TCF12: variants seen among roughly 807,000 people sequenced by gnomAD.
The protein encoded by TCF12 is transcription factor 12, also known as DNA-binding protein HTF4.
TCF12 carries 45 observed loss-of-function variants against 86.0 expected under a neutral mutation model. The ratio of observed to expected loss-of-function variants is 0.52; its 90% CI spans 0.41 to 0.67. The LOEUF (loss-of-function observed/expected upper bound fraction) is 0.67. Among genes scored for constraint, TCF12 ranks in the 30% least tolerant of loss-of-function variants. TCF12 has a pLI of 0.00. For missense variants in TCF12, 881 were observed against 859.9 expected, an observed-to-expected ratio of 1.02 and a Z score of -0.31; for synonymous variants, 330 against 299.6, an observed-to-expected ratio of 1.10 and a Z score of -1.05.
chr15:57,113,245 C>T (rs1001760454), intron 5 of TCF12, among the ~76,000 whole-genome samples: 1 of 152,160 alleles, frequency 6.6e-6, no homozygotes, highest in Non-Finnish European at 1.5e-5. Context: ...TCTTCTTATC[C>T]GTCAAGGATT....
intron 19 of TCF12, chr15:57,282,181 G>A (rs1380076861): frequency 4.2e-6 from 2 of 472,050 alleles, no homozygotes; most frequent in East Asian, 8.4e-5. Flanking sequence ...TTTGAGTGAA[G>A]AGTAGCATTT....
chr15:57,281,486 GGCCTGTTAC>G (rs1272979468), intron 19 of TCF12, among the ~76,000 whole-genome samples: 2 of 152,178 alleles, frequency 1.3e-5, no homozygotes, highest in African/African-American at 2.4e-5. Flanking sequence ...CAGTACCAGT[GGCCTGTTAC>G]GAACGAACGG....
In TCF12 at chr15:57,065,286, A is replaced by G. The variant is rs145221948; in HGVS notation, c.222+1463A>G. ...CTATCAACTGTATTGTGAACCAGCC[A>G]TTTAATCTTGGACACACTATTTTTG... On this transcript the variant is annotated intron_variant, in intron 4 of 20. Transcript: ENST00000333725. 4.6e-5 allele frequency among the ~76,000 whole-genome samples: 7 copies of G among 152,306 alleles called. No homozygotes were observed. In the East Asian group the frequency reaches 7.7e-4, roughly 17 times the overall value.
intron 18 of TCF12, 91 bp from the exon 19 acceptor site, chr15:57,272,939 A>G: frequency 1.6e-6 from 2 of 1,234,646 alleles, no homozygotes; most frequent in Non-Finnish European, 2.3e-6. Context: ...GGTGGTTTTC[A>G]TTTCCATCTT....
At chr15:56,983,110 C>G (rs1342416859) in intron 3 of TCF12, among the ~76,000 whole-genome samples, 4 of 152,182 alleles carry the variant, frequency 2.6e-5, no homozygotes, top group Non-Finnish European at 5.9e-5. Context: ...ATGGGACATT[C>G]TTAATGATTC....
intron 5 of TCF12, among the ~76,000 whole-genome samples, chr15:57,125,732 CTTA>C (rs1423802170): frequency 1.3e-5 from 2 of 152,018 alleles, no homozygotes. Flanking sequence ...TTTTTTTCTG[CTTA>C]TTGTTTATGT....
At chr15:57,060,437 T>A (rs1191379711) in intron 3 of TCF12, among the ~76,000 whole-genome samples, 1 of 152,122 alleles carries the variant, frequency 6.6e-6, no homozygotes, top group Non-Finnish European at 1.5e-5. Context: ...AGGAAAAAAA[T>A]AATTTACGTC....
chr15:57,225,857 AT>A (rs11302198), intron 8 of TCF12, among the ~76,000 whole-genome samples: 72,680 of 149,548 alleles, frequency 0.49, 18,258 homozygotes, highest in East Asian at 0.63. Context: ...TTATTTATTC[AT>A]TTTTTTTTTC....
At chr15:57,105,010 A>G (rs2050047456) in intron 5 of TCF12, among the ~76,000 whole-genome samples, 1 of 151,356 alleles carries the variant, frequency 6.6e-6, no homozygotes, top group South Asian at 2.1e-4. Flanking sequence ...AGTAGCTGGG[A>G]TTACAGGTGC....
intron 3 of TCF12, among the ~76,000 whole-genome samples, chr15:56,963,061 A>T (rs1245936705): frequency 1.4e-5 from 2 of 142,364 alleles, no homozygotes; most frequent in South Asian, 2.2e-4. Flanking sequence ...CCTTCTGTAC[A>T]ATCATTTTCT....
At chr15:56,939,176 A>G (rs1455233927) in intron 3 of TCF12, among the ~76,000 whole-genome samples, 1 of 152,224 alleles carries the variant, frequency 6.6e-6, no homozygotes, top group South Asian at 2.1e-4. Context: ...TTTTGTAAAA[A>G]TGTATTCCAT....
intron 3 of TCF12, among the ~76,000 whole-genome samples, chr15:56,949,862 G>A (rs527955760): frequency 3.3e-5 from 5 of 152,190 alleles, no homozygotes; most frequent in Admixed American, 2.6e-4. Flanking sequence ...TAGAGAATTG[G>A]TGCATGTTTT....
intron 3 of TCF12, among the ~76,000 whole-genome samples, chr15:57,022,768 C>A (rs534021788): frequency 6.6e-6 from 1 of 152,100 alleles, no homozygotes; most frequent in Non-Finnish European, 1.5e-5. Context: ...TTCTAATTGG[C>A]GTGAGATGGT....
chr15:57,126,096 C>G (rs2051628538), intron 5 of TCF12, among the ~76,000 whole-genome samples: 1 of 152,214 alleles, frequency 6.6e-6, no homozygotes, highest in South Asian at 2.1e-4. Flanking sequence ...CAAAGAAATG[C>G]TGGGCATGGT....
At chr15:57,155,425 T>G (rs1216834343) in intron 5 of TCF12, among the ~76,000 whole-genome samples, 1 of 152,168 alleles carries the variant, frequency 6.6e-6, no homozygotes, top group Non-Finnish European at 1.5e-5. Context: ...AGGATGGCAG[T>G]AAATTGCAAT....
At chr15:57,265,706 T>C (rs1278263670) in intron 18 of TCF12, among the ~76,000 whole-genome samples, 2 of 152,254 alleles carry the variant, frequency 1.3e-5, no homozygotes, top group Non-Finnish European at 2.9e-5. Flanking sequence ...GGTTTTATTA[T>C]GTGTCATTTT....
chr15:57,040,192 T>C (rs535104370), intron 3 of TCF12, among the ~76,000 whole-genome samples: 3 of 152,328 alleles, frequency 2.0e-5, no homozygotes, highest in Admixed American at 6.5e-5. Flanking sequence ...ATCTCCCCAT[T>C]GTAGAGTACA....
chr15:57,078,120 G>C (rs1355371478), intron 4 of TCF12, among the ~76,000 whole-genome samples: 7 of 152,130 alleles, frequency 4.6e-5, no homozygotes, highest in Non-Finnish European at 1.0e-4. Context: ...TTATTTTCCA[G>C]TTATCAATAT....
At chr15:56,957,852 A>G (rs148126767) in intron 3 of TCF12, among the ~76,000 whole-genome samples, 32 of 151,934 alleles carry the variant, frequency 2.1e-4, no homozygotes, top group East Asian at 9.7e-4. Flanking sequence ...CTTTGAAACT[A>G]CTTGATCTTT....
Sources: allele counts gnomAD v4.1 joint callset (sites outside exome capture counted in the v4.1 genomes callset), GRCh38; gene constraint gnomAD v4.1.1; transcripts MANE v1.5; gene names NCBI Gene and HGNC (gene_info 2026-07-23, HGNC 2026-07-21).